The following CABIN1 variants were observed in gnomAD, a reference collection of about 807,000 sequenced individuals.
CABIN1 encodes calcineurin binding protein 1, also known as calcineurin-binding protein cabin-1.
CABIN1 carries 133 observed loss-of-function variants against 227.7 expected under a neutral mutation model. The observed-to-expected ratio is 0.58, with a 90% CI of 0.51 to 0.67. CABIN1 has a LOEUF of 0.67. CABIN1 is among the 30% of genes least tolerant of loss of function. CABIN1 has a pLI of 0.00. For missense variants in CABIN1, 2,408 were observed against 2,852.5 expected, an observed-to-expected ratio of 0.84 and a Z score of 3.55; for synonymous variants, 1,086 against 1,155.1, an observed-to-expected ratio of 0.94 and a Z score of 1.21.
At chr22:24,026,055 T>A (rs1351277521) in intron 1 of CABIN1, among the ~76,000 whole-genome samples, 1 of 152,218 alleles carries the variant, frequency 6.6e-6, no homozygotes, top group Non-Finnish European at 1.5e-5. Flanking sequence ...CAGGCTGGTC[T>A]CGAACTCCTG....
At chr22:24,111,213 A>G (rs1369755892) in intron 26 of CABIN1, among the ~76,000 whole-genome samples, 3 of 152,380 alleles carry the variant, frequency 2.0e-5, no homozygotes, top group South Asian at 4.1e-4. Context: ...ATCATAGTTT[A>G]GCCCAGCCTC....
chr22:24,066,960 C>A (rs2039725615), intron 15 of CABIN1, 27 bp from the exon 16 acceptor site: 2 of 1,612,440 alleles, frequency 1.2e-6, no homozygotes, highest in Non-Finnish European at 1.7e-6. Flanking sequence ...GGTTTACCCT[C>A]ATACAGCATT....
chr22:24,163,455 A>C (rs944993549), intron 29 of CABIN1, among the ~76,000 whole-genome samples: 2 of 152,144 alleles, frequency 1.3e-5, no homozygotes, highest in African/African-American at 4.8e-5. Context: ...AAGTCCCCAG[A>C]ATCCTATACT....
chr22:24,087,737 G>A lies in CABIN1; in HGVS notation c.3525+24G>A, dbSNP rs552745038. ...AGGTGAGGAGGGGGTGCTGCAGATG[G>A]GCTTGCCATCCTTCTGTCCAGACAG... is the stretch of plus-strand genomic sequence containing the variant. On this transcript the variant is annotated intron_variant, in intron 23 of 36. Coordinates refer to ENST00000263119, the MANE Select transcript of CABIN1 (RefSeq NM_012295.4). The A allele has an allele frequency of 3.5e-5, 56 of 1,612,620 alleles. No individual in the cohort carries two copies. The South Asian group carries it at 5.4e-4, about 16-fold the overall frequency.
chr22:24,155,314 G>C (rs145296173), intron 29 of CABIN1, among the ~76,000 whole-genome samples: 67 of 152,264 alleles, frequency 4.4e-4, no homozygotes, highest in East Asian at 1.4e-3. Context: ...TTCCAGGCCG[G>C]AGAGCGACCC....
At chr22:24,028,597 T>A (rs1489806298) in intron 1 of CABIN1, among the ~76,000 whole-genome samples, 1 of 152,182 alleles carries the variant, frequency 6.6e-6, no homozygotes, top group African/African-American at 2.4e-5. Context: ...TCTGTCTTTG[T>A]TATGGAGAGG....
intron 18 of CABIN1, among the ~76,000 whole-genome samples, chr22:24,073,689 T>C (rs147951959): frequency 1.3e-5 from 2 of 151,792 alleles, no homozygotes; most frequent in East Asian, 3.9e-4. Flanking sequence ...TGGGTGTGGG[T>C]TGAGTTGAGC....
chr22:24,157,214 T>G (rs947028556), intron 29 of CABIN1, among the ~76,000 whole-genome samples: 2 of 152,136 alleles, frequency 1.3e-5, no homozygotes, highest in Non-Finnish European at 2.9e-5. Context: ...GGCCTGCTTC[T>G]GGGGCCCCTT....
chr22:24,054,673 C>A (rs73399692), intron 8 of CABIN1, among the ~76,000 whole-genome samples, 200 bp from the exon 9 acceptor site: 8 of 152,104 alleles, frequency 5.3e-5, no homozygotes, highest in Admixed American at 2.0e-4. Flanking sequence ...CTTTGGCTGC[C>A]GCATCTTCAG....
chr22:24,148,340 T>C (rs529298069), intron 29 of CABIN1, among the ~76,000 whole-genome samples: 56 of 152,314 alleles, frequency 3.7e-4, no homozygotes, highest in Non-Finnish European at 2.2e-4. Flanking sequence ...CCCCAGACTC[T>C]CTAAGGGCCC....
At chr22:24,174,733 C>T (rs572803645) in intron 34 of CABIN1, among the ~76,000 whole-genome samples, 1 of 152,212 alleles carries the variant, frequency 6.6e-6, no homozygotes, top group East Asian at 1.9e-4. Context: ...TGGCCAGAGG[C>T]CTCAGCTCCT....
chr22:24,093,313 G>A (rs2041671909), intron 24 of CABIN1, among the ~76,000 whole-genome samples: 1 of 152,178 alleles, frequency 6.6e-6, no homozygotes. Flanking sequence ...CACTTTGGGA[G>A]GCCGAGGTGG....
intron 28 of CABIN1, among the ~76,000 whole-genome samples, chr22:24,128,703 G>A (rs751522477): frequency 2.0e-5 from 3 of 152,178 alleles, no homozygotes; most frequent in Non-Finnish European, 2.9e-5. Flanking sequence ...CATGGAACCC[G>A]TGAGCACCAT....
In CABIN1 at chr22:24,178,101, C is replaced by G. The variant is rs772869513; in HGVS notation, c.6568C>G (p.Leu2190Val). 2.5e-6 allele frequency: 4 copies of G among 1,613,814 alleles called. No individual in the cohort carries two copies. The highest frequency in any genetic ancestry group is 2.5e-6 in the Non-Finnish European group (3 of 1,179,968). ...QSAANVRKES[L>V]CQPALEVLET... is the part of the protein sequence containing the mutation. ...TGCTGCCAACGTGAGGAAGGAGAGC[C>G]TATGCCAGCCAGCCCTGGAGGTCCT... Residue 2190 changes from leucine to valine, a missense_variant, in exon 37 of 37, where the codon CTA becomes GTA. Leu to Val is a conservative substitution (Grantham distance 32, BLOSUM62 1). This residue lies in a region of CABIN1 where 714 missense variants were observed against 773.8 expected (regional missense o/e 0.92). Coordinates refer to ENST00000263119, the MANE Select transcript of CABIN1 (RefSeq NM_012295.4).
chr22:24,112,781 C>T (rs2147781137), intron 26 of CABIN1, among the ~76,000 whole-genome samples: 1 of 152,266 alleles, frequency 6.6e-6, no homozygotes, highest in Admixed American at 6.5e-5. Context: ...TTTCCCTTCC[C>T]CAGCTGCAGT....
At chr22:24,070,445 G>T (rs749880822) in intron 16 of CABIN1, among the ~76,000 whole-genome samples, 1 of 152,228 alleles carries the variant, frequency 6.6e-6, no homozygotes, top group Non-Finnish European at 1.5e-5. Flanking sequence ...GGCACTGGAT[G>T]GGCACAGTGG....
rs1399760392 is a variant in CABIN1, at chr22:24,177,185, C to A, written c.6206-319C>A. Reference sequence around the variant, plus strand: ...GCATCCTAGGATGGTTGTGGAAATACGACAGTTCATGCAAGCATGATGCCT... The same window carrying A: ...GCATCCTAGGATGGTTGTGGAAATAAGACAGTTCATGCAAGCATGATGCCT... On this transcript the variant is annotated intron_variant, in intron 35 of 36. Transcript: ENST00000263119. The surrounding 1 kb of genome is among the most constrained non-coding windows in gnomAD (Gnocchi z 4.4). Among the ~76,000 whole-genome samples, 1 of 152,194 alleles carries A rather than the reference C, an allele frequency of 6.6e-6. No individual in the cohort carries two copies. The highest frequency in any genetic ancestry group is 1.5e-5 in the Non-Finnish European group (1 of 68,016).
intron 19 of CABIN1, among the ~76,000 whole-genome samples, chr22:24,078,675 T>G (rs1462772282): frequency 7.2e-5 from 11 of 152,210 alleles, no homozygotes; most frequent in Non-Finnish European, 1.6e-4. Context: ...AGAGCCTTTA[T>G]TAATACCTGG....
Position 24,072,525 on chromosome 22 carries a change from G to T in CABIN1, c.2632+15G>T, listed in dbSNP as rs370900038. On this transcript the variant is annotated intron_variant, in intron 18 of 36. Coordinates refer to ENST00000263119, the MANE Select transcript of CABIN1 (RefSeq NM_012295.4). ...AGCGGAGGAAGGTGCACAGGCAGTG[G>T]GTGCAGTGGGGATGAGCTCTGACTC... 1.4e-5 allele frequency: 22 copies of T among 1,613,888 alleles called. No homozygotes were observed. The highest frequency in any genetic ancestry group is 8.3e-5 in the Admixed American group (5 of 60,012).
Sources: gnomAD v4.1 joint callset for allele counts (sites outside exome capture counted in the v4.1 genomes callset) on GRCh38, gnomAD v4.1.1 for gene constraint, gnomAD v4.1.1 regional missense constraint, Gnocchi (gnomAD v3.1) non-coding constraint, MANE v1.5 for transcripts, NCBI Gene and HGNC (gene_info 2026-07-23, HGNC 2026-07-21) for gene names.